The following ADAMTS20 variants were observed in gnomAD, a reference collection of about 807,000 sequenced individuals.
ADAMTS20 encodes the protein ADAM metallopeptidase with thrombospondin type 1 motif 20.
Under a neutral mutation model 260.1 loss-of-function variants are expected in ADAMTS20, and 225 were observed. The ratio of observed to expected loss-of-function variants is 0.87; its 90% CI spans 0.78 to 0.97. ADAMTS20 has a LOEUF of 0.97. ADAMTS20 is among the 50% of genes least tolerant of loss of function. The probability of loss-of-function intolerance (pLI) is 0.00; values close to 1 mark genes in which losing one functional copy is unlikely to be tolerated. For synonymous variants in ADAMTS20, 802 were observed against 769.5 expected, an observed-to-expected ratio of 1.04 and a Z score of -0.70; for missense variants, 2,400 against 2,337.7, an observed-to-expected ratio of 1.03 and a Z score of -0.55.
intron 3 of ADAMTS20, among the ~76,000 whole-genome samples, chr12:43,514,063 T>TA (rs940962121): frequency 8.1e-6 from 1 of 123,192 alleles, no homozygotes; most frequent in Non-Finnish European, 1.7e-5. Flanking sequence ...AGTATAATTT[T>TA]AAAAAAAAGA....
At chr12:43,468,466 C>T in intron 8 of ADAMTS20, 134 bp downstream of exon 8, 1 of 651,774 alleles carries the variant, frequency 1.5e-6, no homozygotes, top group Non-Finnish European at 2.6e-6. Context: ...GTTAGCATTT[C>T]AGGGAAGAAA....
At chr12:43,546,879 T>C (rs1735467339) in intron 2 of ADAMTS20, among the ~76,000 whole-genome samples, 1 of 151,968 alleles carries the variant, frequency 6.6e-6, no homozygotes. Flanking sequence ...TTATGGAAAA[T>C]AAAAATTATA....
chr12:43,428,896 TTTC>T, intron 24 of ADAMTS20, 97 bp from the exon 25 acceptor site: 1 of 1,189,718 alleles, frequency 8.4e-7, no homozygotes, highest in Non-Finnish European at 1.1e-6. Flanking sequence ...AAACATCCAG[TTTC>T]TTGAGAAATT....
chr12:43,375,557 G>A (rs1263061807), intron 35 of ADAMTS20, 45 bp from the exon 36 acceptor site: 1 of 1,600,084 alleles, frequency 6.2e-7, no homozygotes, highest in Non-Finnish European at 8.5e-7. Context: ...CAGTTACGAG[G>A]CCATAATGTA....
At chr12:43,494,514 A>G (rs538471233) in intron 4 of ADAMTS20, among the ~76,000 whole-genome samples, 5 of 152,136 alleles carry the variant, frequency 3.3e-5, no homozygotes, top group Non-Finnish European at 7.4e-5. Context: ...CATCTTTACT[A>G]CTGTTATAGC....
intron 32 of ADAMTS20, among the ~76,000 whole-genome samples, chr12:43,377,065 A>G (rs1402880991): frequency 1.3e-5 from 2 of 152,222 alleles, no homozygotes; most frequent in African/African-American, 4.8e-5. Flanking sequence ...TATTAGATTT[A>G]TTTACTTCTT....
intron 7 of ADAMTS20, among the ~76,000 whole-genome samples, chr12:43,480,964 T>C (rs1942432250): frequency 6.6e-6 from 1 of 151,998 alleles, no homozygotes; most frequent in South Asian, 2.1e-4. Flanking sequence ...GTTTCAGATG[T>C]CTCACCAAAA....
chr12:43,418,432 C>T (rs1412206466), intron 28 of ADAMTS20, among the ~76,000 whole-genome samples: 1 of 152,148 alleles, frequency 6.6e-6, no homozygotes, highest in Non-Finnish European at 1.5e-5. Flanking sequence ...GCCTCAGCCT[C>T]CTGAGTAGCT....
intron 26 of ADAMTS20, among the ~76,000 whole-genome samples, chr12:43,427,729 T>C (rs1045848121): frequency 2.0e-5 from 3 of 152,172 alleles, no homozygotes; most frequent in African/African-American, 7.2e-5. Context: ...TCATAAGTGT[T>C]AAGTAAAAAG....
At chr12:43,445,906 A>C (rs1234760767) in intron 15 of ADAMTS20, among the ~76,000 whole-genome samples, 2 of 152,198 alleles carry the variant, frequency 1.3e-5, no homozygotes, top group African/African-American at 4.8e-5. Flanking sequence ...TTTGCAAAGA[A>C]AGTTTTAAAG....
intron 7 of ADAMTS20, 107 bp downstream of exon 7, chr12:43,490,288 A>G: frequency 1.7e-6 from 1 of 581,460 alleles, no homozygotes; most frequent in Non-Finnish European, 2.9e-6. Flanking sequence ...CAAGATAATT[A>G]ATCAAAATTA....
chr12:43,539,168 G>T (rs1480163995), intron 2 of ADAMTS20, among the ~76,000 whole-genome samples: 2 of 151,898 alleles, frequency 1.3e-5, no homozygotes, highest in Non-Finnish European at 2.9e-5. Flanking sequence ...GGCCAGGCTG[G>T]TCTTGAACTC....
chr12:43,539,657 A>C (rs1327240956), intron 2 of ADAMTS20, among the ~76,000 whole-genome samples: 1 of 152,188 alleles, frequency 6.6e-6, no homozygotes, highest in Non-Finnish European at 1.5e-5. Flanking sequence ...CATACTTATA[A>C]GAAGTAAAAA....
chr12:43,551,790 G>C lies in ADAMTS20; in HGVS notation c.91+41C>G, dbSNP rs373290050. On this transcript the variant is annotated intron_variant, in intron 1 of 38. Transcript: ENST00000389420. The surrounding 1 kb of genome is among the most constrained non-coding windows in gnomAD (Gnocchi z 4.6). The stretch of plus-strand genomic sequence containing the variant: ...CCTGCATGTCCCACTCGGGCCCCGC[G>C]CCCCCACTTAGCCGCTGAAGGCGTC... 1.3e-6 allele frequency: 2 copies of C among 1,599,794 alleles called. No homozygotes were observed. Among genetic ancestry groups the C allele is most frequent in the Admixed American group, 3.3e-5 (2 of 59,948 alleles).
At position 43,376,582 on chromosome 12, in the gene ADAMTS20, A is replaced by G. The variant is rs753897263; in HGVS notation, c.5067T>C (p.Ser1689=). 1 of 1,613,762 alleles carries G rather than the reference A, an allele frequency of 6.2e-7. No individual in the cohort carries two copies. The highest frequency in any genetic ancestry group is 8.5e-7 in the Non-Finnish European group (1 of 1,179,764). Residue 1689 remains serine (S), a synonymous_variant, in exon 33 of 39, where the codon AGT becomes AGC. Coordinates refer to ENST00000389420, the MANE Select transcript of ADAMTS20 (RefSeq NM_025003.5). ...VKCITKHGLS[S]DLCLNHLKPG... is the part of the protein sequence containing the mutation. ...GTTTTAAATGGTTTAAACATAAGTCACTGGACAAACCATGTTTGGTAATGC... is the reference window on the plus strand; with the variant it reads ...GTTTTAAATGGTTTAAACATAAGTCGCTGGACAAACCATGTTTGGTAATGC...
chr12:43,438,140 G>T (rs908211029), intron 18 of ADAMTS20, among the ~76,000 whole-genome samples: 4 of 152,236 alleles, frequency 2.6e-5, no homozygotes, highest in Non-Finnish European at 5.9e-5. Context: ...CCCTGCACGC[G>T]ATTGTTTAAG....
At chr12:43,462,154 T>C (rs1049854041) in intron 11 of ADAMTS20, among the ~76,000 whole-genome samples, 4 of 152,230 alleles carry the variant, frequency 2.6e-5, no homozygotes, top group Non-Finnish European at 5.9e-5. Context: ...AGTTTATCTT[T>C]TTTGGCTAAT....
chr12:43,518,196 C>T (rs1943024060), intron 3 of ADAMTS20, among the ~76,000 whole-genome samples: 1 of 152,030 alleles, frequency 6.6e-6, no homozygotes, highest in South Asian at 2.1e-4. Flanking sequence ...TAACTCTTAA[C>T]TCTCCTTTAT....
chr12:43,436,772 G>A (rs900656409), intron 18 of ADAMTS20, among the ~76,000 whole-genome samples: 3 of 152,094 alleles, frequency 2.0e-5, no homozygotes, highest in South Asian at 2.1e-4. Context: ...CCCATTCAGC[G>A]CTCAATCTCC....
Sources: gnomAD v4.1 joint callset for allele counts (sites outside exome capture counted in the v4.1 genomes callset) on GRCh38, gnomAD v4.1.1 for gene constraint, Gnocchi (gnomAD v3.1) non-coding constraint, MANE v1.5 for transcripts, NCBI Gene and HGNC (gene_info 2026-07-23, HGNC 2026-07-21) for gene names.